DNTTIP1: variants seen among roughly 807,000 people sequenced by gnomAD.
The protein encoded by DNTTIP1 is deoxynucleotidyltransferase terminal-interacting protein 1.
In DNTTIP1, 22 loss-of-function variants were observed where a neutral mutation model predicts 52.9. That is an observed-to-expected ratio of 0.42 (90% confidence interval 0.30 to 0.59). DNTTIP1 has a LOEUF of 0.59. DNTTIP1 is among the 20% of genes least tolerant of loss of function. The pLI is 0.22. For missense variants in DNTTIP1, 286 were observed against 435.5 expected (o/e 0.66, Z 3.06); for synonymous variants, 136 against 155.1 (o/e 0.88, Z 0.92).
intron 2 of DNTTIP1, among the ~76,000 whole-genome samples, 185 bp from the exon 3 acceptor site, chr20:45,793,736 G>T (rs1330094308): frequency 2.6e-5 from 4 of 152,148 alleles, no homozygotes; most frequent in Admixed American, 2.6e-4. Flanking sequence ...GCACTTCATA[G>T]AGTTATTATG....
intron 1 of DNTTIP1, 39 bp downstream of exon 1, chr20:45,792,148 C>T (rs1480838481): frequency 3.4e-6 from 4 of 1,180,520 alleles, no homozygotes; most frequent in African/African-American, 1.6e-5. Flanking sequence ...TCAGGCCGGG[C>T]ACGGCCTCGG....
At chr20:45,798,965 A>G (rs1981334712) in intron 4 of DNTTIP1, among the ~76,000 whole-genome samples, 1 of 152,244 alleles carries the variant, frequency 6.6e-6, no homozygotes, top group African/African-American at 2.4e-5. Flanking sequence ...TTAGATTACC[A>G]ACAAATGTGT....
At chr20:45,810,585 T>C (rs1981793184) in intron 11 of DNTTIP1, among the ~76,000 whole-genome samples, 2 of 150,086 alleles carry the variant, frequency 1.3e-5, no homozygotes, top group Admixed American at 6.6e-5. Context: ...CTTTTTTTTT[T>C]TTTTTTCTTA....
intron 2 of DNTTIP1, among the ~76,000 whole-genome samples, chr20:45,793,317 C>G (rs1981103311): frequency 6.6e-6 from 1 of 152,074 alleles, no homozygotes; most frequent in Non-Finnish European, 1.5e-5. Context: ...AATCCCAGCA[C>G]TTTGGGAGGC....
At chr20:45,805,039 A>T in intron 8 of DNTTIP1, 107 bp from the exon 9 acceptor site, 1 of 989,056 alleles carries the variant, frequency 1.0e-6, no homozygotes, top group Non-Finnish European at 1.6e-6. Flanking sequence ...ACTGTTGATT[A>T]AATAATAGAC....
At chr20:45,804,964 C>T (rs551645657) in intron 8 of DNTTIP1, among the ~76,000 whole-genome samples, 182 bp from the exon 9 acceptor site, 3 of 152,324 alleles carry the variant, frequency 2.0e-5, no homozygotes, top group East Asian at 3.9e-4. Flanking sequence ...TTATTCATCT[C>T]TTTATCCCCA....
At chr20:45,801,295 CAGAGCGGGGCTGG>C (rs1436554653) in intron 5 of DNTTIP1, 94 bp from the exon 6 acceptor site, 1 of 1,444,478 alleles carries the variant, frequency 6.9e-7, no homozygotes, top group Non-Finnish European at 9.7e-7. Context: ...TGGCCTGGGT[CAGAGCGGGGCTGG>C]AGAGCTGTAG....
chr20:45,800,697 ATATATATATATATAT>A (rs1981426582), intron 4 of DNTTIP1, among the ~76,000 whole-genome samples: 70 of 5,844 alleles, frequency 0.012, 6 homozygotes, highest in Non-Finnish European at 0.017. Flanking sequence ...AAAAAAAAAT[ATATATATATATATAT>A]ATATATATAT....
intron 6 of DNTTIP1, 69 bp from the exon 7 acceptor site, chr20:45,801,930 C>G: frequency 6.8e-7 from 1 of 1,473,612 alleles, no homozygotes; most frequent in Middle Eastern, 1.7e-4. Context: ...CCAAGTGACC[C>G]TGGACCTGCC....
intron 5 of DNTTIP1, 71 bp downstream of exon 5, chr20:45,801,213 G>T: frequency 6.7e-7 from 1 of 1,497,436 alleles, no homozygotes; most frequent in Non-Finnish European, 9.3e-7. Flanking sequence ...GAAATATGTG[G>T]GCCCAGGGAG....
Position 45,809,272 on chromosome 20 carries a change from A to G in DNTTIP1, c.795+87A>G. 2 of 1,175,166 alleles carry G rather than the reference A, an allele frequency of 1.7e-6. No individual in the cohort carries two copies. The highest frequency in any genetic ancestry group is 2.5e-5 in the South Asian group (2 of 80,326). The allele number at this position is 1,175,166 out of a possible 1,614,324, so 72.8% of individuals were successfully genotyped here. ...GCTGTGGGTGACAGCCTACCTCCAA[A>G]TCTGACTTCCAAAGCCTCACCAATG... On this transcript the variant is annotated intron_variant, in intron 11 of 12. Coordinates refer to ENST00000372622, the MANE Select transcript of DNTTIP1 (RefSeq NM_052951.3). The surrounding 1 kb of genome is among the most constrained non-coding windows in gnomAD (Gnocchi z 4.2).
chr20:45,796,370 A>C (rs953027422), intron 4 of DNTTIP1: 3 of 410,472 alleles, frequency 7.3e-6, no homozygotes, highest in Non-Finnish European at 1.5e-5. Context: ...GCTAGAAAAA[A>C]ATTTTTAAAA....
rs761977756 is a variant in DNTTIP1 at position 45,801,099 on chromosome 20, A to T, written c.398A>T (p.Glu133Val). The T allele has an allele frequency of 6.2e-7, 1 of 1,613,876 alleles. No individual in the cohort carries two copies. The highest frequency in any genetic ancestry group is 2.2e-5 in the East Asian group (1 of 44,872). ...EQAKLLFSDGEKVIPRLTHEL... is the reference protein window; with the variant it reads ...EQAKLLFSDGVKVIPRLTHEL... The stretch of plus-strand genomic sequence containing the variant: ...GCTAAACTGCTCTTTTCAGATGGAG[A>T]AAAAGTAATACCCAGATTGACCCAT... The change falls in exon 5 of 13, where the codon GAA becomes GTA. Residue 133 changes from glutamate to valine, a missense_variant. Physicochemically the swap from Glu to Val is moderately radical, Grantham distance 121. Around this residue, in one of 2 missense-constraint regions of DNTTIP1, gnomAD observed 208 missense variants for 266.5 expected, o/e 0.78. Transcript: ENST00000372622.
chr20:45,801,698 G>A (rs572969076), intron 6 of DNTTIP1, among the ~76,000 whole-genome samples: 1 of 152,270 alleles, frequency 6.6e-6, no homozygotes, highest in East Asian at 1.9e-4. Flanking sequence ...TGCAGTGGGA[G>A]GATCACCTGA....
chr20:45,810,975 C>G, intron 12 of DNTTIP1, 35 bp downstream of exon 12: 4 of 1,614,108 alleles, frequency 2.5e-6, no homozygotes, highest in Non-Finnish European at 1.7e-6. Flanking sequence ...CTTCTCCTCT[C>G]CCTGCCTCCA....
At chr20:45,801,018 G>A (rs1981449376) in intron 4 of DNTTIP1, 56 bp from the exon 5 acceptor site, 1 of 1,440,220 alleles carries the variant, frequency 6.9e-7, no homozygotes, top group Admixed American at 1.7e-5. Flanking sequence ...GAAGTAGGTA[G>A]GGTGTGCTTA....
At chr20:45,803,593 T>C (rs1274658085) in intron 8 of DNTTIP1, among the ~76,000 whole-genome samples, 1 of 152,218 alleles carries the variant, frequency 6.6e-6, no homozygotes, top group African/African-American at 2.4e-5. Context: ...CTTGAGTCTT[T>C]GCTGAAGCCT....
At chr20:45,800,744 T>TATAC (rs1981436724) in intron 4 of DNTTIP1, among the ~76,000 whole-genome samples, 1 of 94,896 alleles carries the variant, frequency 1.1e-5, no homozygotes, top group African/African-American at 4.4e-5. Flanking sequence ...TATATATATA[T>TATAC]ATATATATAT....
chr20:45,802,047 G>A lies in DNTTIP1; in HGVS notation c.547G>A (p.Ala183Thr), dbSNP rs408911. Residue 183 changes from alanine (A) to threonine (T), a missense_variant, in exon 7 of 13, where the codon GCC becomes ACC. Transcript: ENST00000372622. ...CATCCTGTCAAGCGACCGGGCAGCC[G>A]CCGGCATGGTGTGAGTAGGGACCAA... is the stretch of plus-strand genomic sequence containing the variant. ...GHILSSDRAA[A>T]GMVWKPKSCE... 1,217 of 1,614,086 alleles carry A rather than the reference G, an allele frequency of 7.5e-4. 10 individuals are homozygous for A. In the African/African-American group the frequency reaches 0.013, roughly 17 times the overall value.
Sources: allele counts gnomAD v4.1 joint callset (sites outside exome capture counted in the v4.1 genomes callset), GRCh38; gene constraint gnomAD v4.1.1; regional missense constraint gnomAD v4.1.1; non-coding constraint Gnocchi (gnomAD v3.1); transcripts MANE v1.5; gene names NCBI Gene and HGNC (gene_info 2026-07-23, HGNC 2026-07-21).